RBFOX1: variants seen among roughly 807,000 people sequenced by gnomAD.
RBFOX1 encodes the protein RNA binding fox-1 homolog 1.
A neutral mutation model predicts 57.7 loss-of-function variants in RBFOX1; 8 were observed. That is an observed-to-expected ratio of 0.14 (90% CI 0.08 to 0.25). The LOEUF (loss-of-function observed/expected upper bound fraction) is 0.25, where lower values mean the gene tolerates loss of function less well. Among genes scored for constraint, RBFOX1 ranks in the 10% least tolerant of loss-of-function variants. RBFOX1 has a pLI of 1.00. For missense variants in RBFOX1, 611 were observed against 548.5 expected, an observed-to-expected ratio of 1.11 and a Z score of -1.14; for synonymous variants, 326 against 222.4, an observed-to-expected ratio of 1.47 and a Z score of -4.15.
intron 2 of RBFOX1, among the ~76,000 whole-genome samples, chr16:6,441,905 C>A (rs2094390999): frequency 6.6e-6 from 1 of 152,154 alleles, no homozygotes. Flanking sequence ...CAGCAGTGGT[C>A]AGCGTGGCGG....
chr16:6,699,520 T>C (rs2061519671), intron 3 of RBFOX1, among the ~76,000 whole-genome samples: 1 of 152,214 alleles, frequency 6.6e-6, no homozygotes, highest in Non-Finnish European at 1.5e-5. Context: ...TCCAGTGACC[T>C]ATCAACGCTG....
intron 3 of RBFOX1, among the ~76,000 whole-genome samples, chr16:6,742,879 G>T (rs558472892): frequency 6.6e-6 from 1 of 152,116 alleles, no homozygotes; most frequent in African/African-American, 2.4e-5. Flanking sequence ...GAAATCTGTG[G>T]TGAATTAGTT....
intron 1 of RBFOX1, among the ~76,000 whole-genome samples, chr16:5,285,146 C>T (rs961039632): frequency 2.0e-4 from 31 of 152,296 alleles, no homozygotes; most frequent in African/African-American, 7.2e-4. Flanking sequence ...CCTTGCTTCA[C>T]TCTTTTTTCT....
At chr16:6,675,396 A>G (rs2057462651) in intron 3 of RBFOX1, among the ~76,000 whole-genome samples, 1 of 152,038 alleles carries the variant, frequency 6.6e-6, no homozygotes, top group Non-Finnish European at 1.5e-5. Context: ...GTTGACTGCA[A>G]TTCAGGTGGG....
intron 1 of RBFOX1, among the ~76,000 whole-genome samples, chr16:5,274,940 G>T (rs959049449): frequency 2.0e-5 from 3 of 152,212 alleles, no homozygotes; most frequent in Non-Finnish European, 4.4e-5. Flanking sequence ...AACTTGAACA[G>T]TGGGGGCTTA....
intron 4 of RBFOX1, among the ~76,000 whole-genome samples, chr16:7,461,576 A>C (rs190374438): frequency 2.0e-4 from 30 of 152,322 alleles, no homozygotes; most frequent in Admixed American, 1.8e-3. Flanking sequence ...TAGAATTGAC[A>C]TTCAGCTCTA....
intron 11 of RBFOX1, among the ~76,000 whole-genome samples, chr16:7,637,515 T>C (rs537882395): frequency 1.3e-5 from 2 of 152,282 alleles, no homozygotes; most frequent in East Asian, 3.9e-4. Flanking sequence ...ATTTTACTTT[T>C]AGGTAATTGA....
intron 1 of RBFOX1, among the ~76,000 whole-genome samples, chr16:5,345,998 G>T (rs2065131208): frequency 6.6e-6 from 1 of 152,190 alleles, no homozygotes. Context: ...GAATAACATG[G>T]TGTGGGGGAT....
intron 5 of RBFOX1, among the ~76,000 whole-genome samples, chr16:7,533,905 A>G (rs1021863852): frequency 7.9e-5 from 12 of 152,180 alleles, no homozygotes; most frequent in African/African-American, 2.9e-4. Flanking sequence ...TGGGCAATAT[A>G]TTAATGATTT....
intron 1 of RBFOX1, among the ~76,000 whole-genome samples, chr16:5,372,944 C>T (rs2065897205): frequency 6.6e-6 from 1 of 152,186 alleles, no homozygotes; most frequent in African/African-American, 2.4e-5. Context: ...GAAGAGCTAC[C>T]AGGTGAGGAC....
At chr16:6,580,494 G>A (rs1420062) in intron 2 of RBFOX1, among the ~76,000 whole-genome samples, 7 of 152,168 alleles carry the variant, frequency 4.6e-5, no homozygotes, top group African/African-American at 1.2e-4. Flanking sequence ...TAAAAACTCC[G>A]TAAGACATAA....
At chr16:6,572,684 C>T (rs987064051) in intron 2 of RBFOX1, among the ~76,000 whole-genome samples, 6 of 151,962 alleles carry the variant, frequency 3.9e-5, no homozygotes, top group Admixed American at 2.0e-4. Context: ...CCTCTGCCTC[C>T]CGGGCTCAAG....
At chr16:5,544,807 T>C (rs2045115409) in intron 2 of RBFOX1, among the ~76,000 whole-genome samples, 1 of 152,094 alleles carries the variant, frequency 6.6e-6, no homozygotes, top group South Asian at 2.1e-4. Flanking sequence ...GATAGATAAA[T>C]TCCTTGGAAG....
Position 6,944,230 on chromosome 16 carries a change from A to G in RBFOX1, c.-15-107827A>G, listed in dbSNP as rs540776103. On this transcript the variant is annotated intron_variant, in intron 3 of 15. Transcript: ENST00000550418. ...CCCAACACAGTGAAACCCTTTCTCT[A>G]CTAAAAATACAAAAATAAGCCAGGC... is the stretch of plus-strand genomic sequence containing the variant. 3.9e-5 allele frequency among the ~76,000 whole-genome samples: 6 copies of G among 152,004 alleles called. No individual in the cohort carries two copies. The South Asian group carries it at 1.2e-3, about 32-fold the overall frequency.
chr16:5,332,983 T>G (rs1421741665), intron 1 of RBFOX1, among the ~76,000 whole-genome samples: 1 of 152,062 alleles, frequency 6.6e-6, no homozygotes, highest in South Asian at 2.1e-4. Flanking sequence ...GTCAGGAGTT[T>G]GAGACCAGCC....
intron 2 of RBFOX1, among the ~76,000 whole-genome samples, chr16:6,507,507 CAAAAAAAA>C (rs57685233): frequency 2.0e-4 from 19 of 97,184 alleles, no homozygotes; most frequent in Admixed American, 1.2e-3. Context: ...CCTATCTGTA[CAAAAAAAA>C]AAAAAAAAAA....
chr16:5,545,265 C>T (rs143584226), intron 2 of RBFOX1, among the ~76,000 whole-genome samples: 41 of 150,816 alleles, frequency 2.7e-4, no homozygotes, highest in African/African-American at 8.8e-4. Flanking sequence ...GCTGTGAGCA[C>T]GCCCTGCCCT....
chr16:5,746,235 G>T (rs1165488419), intron 3 of RBFOX1, among the ~76,000 whole-genome samples: 3 of 152,218 alleles, frequency 2.0e-5, no homozygotes, highest in Non-Finnish European at 2.9e-5. Context: ...GTTTGTCAAA[G>T]ATCAGATGGT....
chr16:7,358,180 G>T (rs942366154), intron 4 of RBFOX1, among the ~76,000 whole-genome samples: 3 of 152,188 alleles, frequency 2.0e-5, no homozygotes, highest in African/African-American at 7.2e-5. Flanking sequence ...TATTGGATAT[G>T]CAGAAGCTGT....
Sources: gnomAD v4.1 joint callset for allele counts (sites outside exome capture counted in the v4.1 genomes callset) on GRCh38, gnomAD v4.1.1 for gene constraint, MANE v1.5 for transcripts, NCBI Gene and HGNC (gene_info 2026-07-23, HGNC 2026-07-21) for gene names.